The following ARMC9 variants were observed in gnomAD, a reference collection of about 807,000 sequenced individuals.
ARMC9 encodes the protein armadillo repeat containing 9.
Under a neutral mutation model 107.0 loss-of-function variants are expected in ARMC9, and 94 were observed. The ratio of observed to expected loss-of-function variants is 0.88; its 90% confidence interval spans 0.74 to 1.04. The LOEUF is 1.04. ARMC9 is among the 50% of genes least tolerant of loss of function. The pLI is 0.00. For missense variants in ARMC9, 942 were observed against 1,030.1 expected, an observed-to-expected ratio of 0.91 and a Z score of 1.17; for synonymous variants, 380 against 396.9, an observed-to-expected ratio of 0.96 and a Z score of 0.51.
chr2:231,349,108 A>G (rs892510914), intron 21 of ARMC9, among the ~76,000 whole-genome samples: 3 of 152,212 alleles, frequency 2.0e-5, no homozygotes, highest in African/African-American at 7.2e-5. Context: ...AAGGAAGTCC[A>G]TGTGTCAAAG....
intron 17 of ARMC9, among the ~76,000 whole-genome samples, chr2:231,285,040 A>T (rs941682924): frequency 6.6e-6 from 1 of 152,032 alleles, no homozygotes; most frequent in African/African-American, 2.4e-5. Context: ...TCTACTAAAA[A>T]TACAAAAATT....
At chr2:231,348,303 G>A (rs1262852243) in intron 21 of ARMC9, among the ~76,000 whole-genome samples, 1 of 152,150 alleles carries the variant, frequency 6.6e-6, no homozygotes, top group African/African-American at 2.4e-5. Context: ...CATGAGCCGA[G>A]GAATGCAGAC....
Position 231,278,441 on chromosome 2 carries a change from G to T in ARMC9, c.1534G>T (p.Gly512Cys). ...LVLKVLSDLL[G>C]HENHEIQPYV... ...GCTCAAAGTCCTTTCGGATCTTCTT[G>T]GCCATGAAAACCATGAGGTACTCAT... Residue 512 changes from glycine to cysteine, a missense_variant, in exon 16 of 25, where the codon GGC becomes TGC. Coordinates refer to ENST00000611582, the MANE Select transcript of ARMC9 (RefSeq NM_001352754.2). The T allele has an allele frequency of 1.2e-6, 2 of 1,614,058 alleles. No homozygotes were observed. The highest frequency in any genetic ancestry group is 1.7e-6 in the Non-Finnish European group (2 of 1,180,022).
At chr2:231,325,283 T>A (rs559285646) in intron 19 of ARMC9, among the ~76,000 whole-genome samples, 7 of 152,088 alleles carry the variant, frequency 4.6e-5, no homozygotes, top group Middle Eastern at 3.2e-3. Flanking sequence ...AACTTGTGAT[T>A]GAGATGTGTT....
intron 19 of ARMC9, among the ~76,000 whole-genome samples, chr2:231,306,632 T>C (rs1429493961): frequency 2.0e-5 from 3 of 151,826 alleles, no homozygotes; most frequent in African/African-American, 7.3e-5. Context: ...CTTGTATACA[T>C]CTCGAGAGCA....
At chr2:231,330,346 G>A (rs900700482) in intron 19 of ARMC9, among the ~76,000 whole-genome samples, 1 of 151,282 alleles carries the variant, frequency 6.6e-6, no homozygotes, top group Non-Finnish European at 1.5e-5. Context: ...TCCATGCTTG[G>A]CCTGGTTGAC....
At chr2:231,239,261 G>A (rs144204546) in intron 8 of ARMC9, among the ~76,000 whole-genome samples, 4 of 152,250 alleles carry the variant, frequency 2.6e-5, no homozygotes, top group South Asian at 2.1e-4. Context: ...GACCACTTTC[G>A]ATGTTGTATG....
chr2:231,296,639 T>C (rs1282765894), intron 19 of ARMC9, among the ~76,000 whole-genome samples: 1 of 152,214 alleles, frequency 6.6e-6, no homozygotes, highest in Non-Finnish European at 1.5e-5. Flanking sequence ...CGAGAGTCTC[T>C]GGCGTGAGGG....
rs35285848 is a variant in ARMC9 at position 231,373,895 on chromosome 2, CA to C, written c.*2376del. 0.49 allele frequency: 69,013 copies of C among 139,732 alleles called. 16,425 individuals carry two copies. Among genetic ancestry groups the C allele is most frequent in the Admixed American group, 0.53 (7,296 of 13,802 alleles). The allele number at this position is 139,732 out of a possible 1,614,324, so 8.7% of individuals were successfully genotyped here. ...CCAGCCTGGGCGACAGAGACTCCGT[CA>C]AAAAAAAAAAAAAAATACATTGAGA... On this transcript the variant is annotated 3_prime_UTR_variant, in exon 25 of 25. Transcript: ENST00000611582. This position sits in a 1 kb window ranked among gnomAD's most constrained non-coding sequence, Gnocchi z 4.4.
At chr2:231,351,821 G>A (rs7598124) in intron 21 of ARMC9, among the ~76,000 whole-genome samples, 11,540 of 151,904 alleles carry the variant, frequency 0.076, 1,311 homozygotes, top group African/African-American at 0.25. Flanking sequence ...ATAAATATTC[G>A]TAACTAAAAC....
chr2:231,331,776 C>G lies in ARMC9; in HGVS notation c.1774-17C>G. 1 of 1,609,190 alleles carries G rather than the reference C, an allele frequency of 6.2e-7. No individual in the cohort carries two copies. Among genetic ancestry groups the G allele is most frequent in the Non-Finnish European group, 8.5e-7 (1 of 1,175,874 alleles). On this transcript the variant is annotated splice_polypyrimidine_tract_variant and intron_variant, in intron 19 of 24. Transcript: ENST00000611582. ...GTCAGGGTGTCCATGGCATTCACCC[C>G]ATGTCTCCTGAAACAGGAGGACCAT...
intron 17 of ARMC9, among the ~76,000 whole-genome samples, chr2:231,289,224 T>C (rs1297137923): frequency 2.0e-5 from 3 of 152,214 alleles, no homozygotes; most frequent in Non-Finnish European, 4.4e-5. Context: ...CCCACCACTT[T>C]GGGAGGCTGA....
intron 19 of ARMC9, among the ~76,000 whole-genome samples, chr2:231,320,660 G>T (rs2125534034): frequency 6.6e-6 from 1 of 152,102 alleles, no homozygotes; most frequent in Non-Finnish European, 1.5e-5. Context: ...GCCTAATCCA[G>T]AAAAGGCAGT....
At chr2:231,300,203 G>T (rs2041637876) in intron 19 of ARMC9, among the ~76,000 whole-genome samples, 1 of 152,186 alleles carries the variant, frequency 6.6e-6, no homozygotes, top group Non-Finnish European at 1.5e-5. Flanking sequence ...GACAAAATAG[G>T]TTTAAGTGCC....
intron 10 of ARMC9, among the ~76,000 whole-genome samples, 193 bp from the exon 11 acceptor site, chr2:231,258,798 T>C (rs991425258): frequency 6.6e-6 from 1 of 152,080 alleles, no homozygotes; most frequent in Admixed American, 6.6e-5. Context: ...TCCAACAGAA[T>C]AGGCAGAGCT....
chr2:231,302,767 C>T (rs1175937793), intron 19 of ARMC9, among the ~76,000 whole-genome samples: 1 of 152,038 alleles, frequency 6.6e-6, no homozygotes, highest in East Asian at 1.9e-4. Flanking sequence ...CTTTCGGAGC[C>T]CCAGGTGGGT....
At chr2:231,296,395 C>T in intron 19 of ARMC9, 142 bp downstream of exon 19, 1 of 779,486 alleles carries the variant, frequency 1.3e-6, no homozygotes, top group South Asian at 1.9e-5. Context: ...GGCTAAAGCT[C>T]AGCTGGGTGG....
chr2:231,243,055 G>A (rs1039055262), intron 9 of ARMC9, among the ~76,000 whole-genome samples: 1 of 152,092 alleles, frequency 6.6e-6, no homozygotes, highest in East Asian at 1.9e-4. Flanking sequence ...GACCATCCTG[G>A]CTAACATGGT....
At chr2:231,272,880 G>C in intron 13 of ARMC9, 75 bp from the exon 14 acceptor site, 8 of 1,531,582 alleles carry the variant, frequency 5.2e-6, no homozygotes, top group Non-Finnish European at 8.9e-7. Flanking sequence ...GTAAGTTTTC[G>C]TGGAAAGTGG....
Sources: allele counts gnomAD v4.1 joint callset (sites outside exome capture counted in the v4.1 genomes callset), GRCh38; gene constraint gnomAD v4.1.1; non-coding constraint Gnocchi (gnomAD v3.1); transcripts MANE v1.5; gene names NCBI Gene and HGNC (gene_info 2026-07-23, HGNC 2026-07-21).